Variants in EVL observed in about 807,000 individuals in gnomAD.
EVL encodes the protein ena/VASP-like protein.
A neutral mutation model predicts 59.6 loss-of-function variants in EVL; 21 were observed. That is an observed-to-expected ratio of 0.35 (90% CI 0.25 to 0.51). The LOEUF is 0.51. Ranked by LOEUF, EVL falls within the 20% of genes least tolerant of loss-of-function variation. The pLI, the probability that EVL is intolerant of heterozygous loss-of-function variation, is 0.97. For synonymous variants in EVL, 198 were observed against 203.5 expected, an observed-to-expected ratio of 0.97 and a Z score of 0.23; for missense variants, 462 against 546.6, an observed-to-expected ratio of 0.85 and a Z score of 1.54.
chr14:100,115,969 G>A lies in EVL; in HGVS notation c.359-7570G>A, dbSNP rs753795630. Among the ~76,000 whole-genome samples, 20 of 152,338 alleles carry A rather than the reference G, an allele frequency of 1.3e-4. No individual in the cohort carries two copies. The East Asian group carries it at 2.7e-3, about 21-fold the overall frequency. On this transcript the variant is annotated intron_variant, in intron 3 of 13. Coordinates refer to ENST00000392920, the MANE Select transcript of EVL (RefSeq NM_016337.3). Reference sequence around the variant, plus strand: ...TCAGTGCTGAGCATCAGTGCACTGGGGTGGACAGAGCCCTGGGCCGGGAGA... The same window carrying A: ...TCAGTGCTGAGCATCAGTGCACTGGAGTGGACAGAGCCCTGGGCCGGGAGA...
rs1261245485 is a variant in EVL at position 100,123,292 on chromosome 14, T to A, written c.359-247T>A. ...GGGTCAGTAACTGAAAGGGTTAATTTTTAACCATGTGAAAGTTTGGGTCTC... is the reference window on the plus strand; with the variant it reads ...GGGTCAGTAACTGAAAGGGTTAATTATTAACCATGTGAAAGTTTGGGTCTC... On this transcript the variant is annotated intron_variant, in intron 3 of 13. Coordinates refer to ENST00000392920, the MANE Select transcript of EVL (RefSeq NM_016337.3). 7.2e-5 allele frequency among the ~76,000 whole-genome samples: 11 copies of A among 152,306 alleles called. No individual in the cohort carries two copies. The East Asian group carries it at 1.9e-3, about 27-fold the overall frequency.
At chr14:100,103,066 C>A (rs572726645) in intron 3 of EVL, among the ~76,000 whole-genome samples, 12 of 146,754 alleles carry the variant, frequency 8.2e-5, no homozygotes, top group Non-Finnish European at 1.6e-4. Flanking sequence ...CGCCTCACTG[C>A]ACTCCAGCCT....
intron 1 of EVL, among the ~76,000 whole-genome samples, chr14:99,986,155 G>C (rs566061894): frequency 6.6e-6 from 1 of 151,838 alleles, no homozygotes; most frequent in African/African-American, 2.4e-5. Flanking sequence ...AGCCAGACGT[G>C]GTGGCATGTG....
rs548176646 is a variant in EVL at position 100,119,478 on chromosome 14, C to T, written c.359-4061C>T. 2.8e-3 allele frequency among the ~76,000 whole-genome samples: 428 copies of T among 152,252 alleles called. 3 individuals carry two copies. The highest frequency in any genetic ancestry group is 0.01 in the African/African-American group (424 of 41,552). ...ACTCATCCCGTATACTTCAGGGGGC[C>T]GTGGTGGAACCAGCTGGGCAGTGAG... is the stretch of plus-strand genomic sequence containing the variant. On this transcript the variant is annotated intron_variant, in intron 3 of 13. Transcript: ENST00000392920.
intron 11 of EVL, 152 bp downstream of exon 11, chr14:100,137,954 C>CG: frequency 1.4e-6 from 1 of 718,072 alleles, no homozygotes; most frequent in Non-Finnish European, 2.3e-6. Context: ...CCCAGGACCT[C>CG]GGGGTCCTGT....
At chr14:100,016,716 A>G (rs1418755575) in intron 1 of EVL, among the ~76,000 whole-genome samples, 2 of 152,152 alleles carry the variant, frequency 1.3e-5, no homozygotes, top group Non-Finnish European at 2.9e-5. Flanking sequence ...TGTTTCTGAC[A>G]CTTTGGTGTT....
intron 1 of EVL, among the ~76,000 whole-genome samples, chr14:100,070,399 C>T (rs1329446820): frequency 1.3e-5 from 2 of 152,204 alleles, no homozygotes. Context: ...CTAAACTTGT[C>T]CCAATTTGCA....
chr14:100,132,598 GT>G (rs1888504930), intron 7 of EVL, 120 bp from the exon 8 acceptor site: 2 of 1,153,702 alleles, frequency 1.7e-6, no homozygotes, highest in African/African-American at 1.5e-5. Flanking sequence ...TCACGCCATC[GT>G]TTTCCCACAC....
At chr14:100,101,869 C>T (rs1297917547) in intron 3 of EVL, among the ~76,000 whole-genome samples, 3 of 152,112 alleles carry the variant, frequency 2.0e-5, no homozygotes, top group East Asian at 1.9e-4. Flanking sequence ...GATGGAGTCT[C>T]GCTCTGTCAC....
intron 1 of EVL, among the ~76,000 whole-genome samples, chr14:99,989,008 G>A (rs2060858859): frequency 6.6e-6 from 1 of 152,144 alleles, no homozygotes; most frequent in African/African-American, 2.4e-5. Flanking sequence ...TTGGATTATG[G>A]TAATGGTTGT....
chr14:99,975,773 C>T (rs1025241541), intron 1 of EVL, among the ~76,000 whole-genome samples: 5 of 152,216 alleles, frequency 3.3e-5, no homozygotes, highest in Non-Finnish European at 5.9e-5. Flanking sequence ...GGCCTGGTTC[C>T]TGACAGGCCA....
At chr14:100,126,557 A>T in intron 4 of EVL, 150 bp from the exon 5 acceptor site, 1 of 737,126 alleles carries the variant, frequency 1.4e-6, no homozygotes, top group Non-Finnish European at 2.3e-6. Context: ...CTCCTCTGTT[A>T]AGTGGAGGCA....
At chr14:100,111,733 C>G (rs764057147) in intron 3 of EVL, among the ~76,000 whole-genome samples, 4 of 152,154 alleles carry the variant, frequency 2.6e-5, no homozygotes, top group African/African-American at 4.8e-5. Flanking sequence ...TCTTGGCTCC[C>G]TGAGATTGCA....
rs1889370820 is a variant in EVL at position 100,143,968 on chromosome 14, G to A, written c.*230G>A. The A allele has an allele frequency of 1.3e-5, 7 of 544,774 alleles. No individual in the cohort carries two copies. Among genetic ancestry groups the A allele is most frequent in the Admixed American group, 1.0e-4 (3 of 29,736 alleles). 33.7% of individuals were successfully genotyped at this position (544,774 alleles called of 1,614,324 possible). On this transcript the variant is annotated 3_prime_UTR_variant, in exon 14 of 14. Transcript: ENST00000392920. ...AACACCAGGTCTGCTCGTCTTTTTTGTGTTTTATATTTGCTTATTTAAGGT... is the reference window on the plus strand; with the variant it reads ...AACACCAGGTCTGCTCGTCTTTTTTATGTTTTATATTTGCTTATTTAAGGT...
chr14:100,005,845 GA>G (rs34697726), intron 1 of EVL, among the ~76,000 whole-genome samples: 1 of 151,652 alleles, frequency 6.6e-6, no homozygotes, highest in Non-Finnish European at 1.5e-5. Flanking sequence ...TGTCCCGGTG[GA>G]AAAAAAAGAA....
At chr14:100,038,737 G>A (rs1450563477) in intron 1 of EVL, among the ~76,000 whole-genome samples, 1 of 149,886 alleles carries the variant, frequency 6.7e-6, no homozygotes, top group Non-Finnish European at 1.5e-5. Flanking sequence ...GATGGTCTTA[G>A]GTACCACTTA....
In EVL at chr14:100,096,592, A is replaced by T. The variant is rs143234462; in HGVS notation, c.181-889A>T. 4.0e-4 allele frequency among the ~76,000 whole-genome samples: 61 copies of T among 152,376 alleles called. 1 individual carries two copies. The highest frequency in any genetic ancestry group is 6.8e-3 in the Middle Eastern group (2 of 294). ...TTCATAAGTGTCATGATGTTAGATC[A>T]TCTGACTCCAAGCTAGAAGGGATGG... On this transcript the variant is annotated intron_variant, in intron 2 of 13. Coordinates refer to ENST00000392920, the MANE Select transcript of EVL (RefSeq NM_016337.3).
In EVL at chr14:100,114,938, C is replaced by T. The variant is rs541104644; in HGVS notation, c.359-8601C>T. Among the ~76,000 whole-genome samples, 8 of 152,096 alleles carry T rather than the reference C, an allele frequency of 5.3e-5. No homozygotes were observed. The highest frequency in any genetic ancestry group is 3.9e-4 in the East Asian group (2 of 5,174). On this transcript the variant is annotated intron_variant, in intron 3 of 13. Coordinates refer to ENST00000392920, the MANE Select transcript of EVL (RefSeq NM_016337.3). The surrounding 1 kb of genome is among the most constrained non-coding windows in gnomAD (Gnocchi z 5.0). ...GCCTGAGCTTCTGTTCCAGCAGCAC[C>T]GTTCACTGGAGGCACATGACCTCGG...
intron 13 of EVL, 125 bp downstream of exon 13, chr14:100,141,918 A>G: frequency 1.5e-6 from 1 of 680,012 alleles, no homozygotes; most frequent in Non-Finnish European, 2.3e-6. Context: ...CCTGTGAGAG[A>G]TTTCATTCTT....
Sources: gnomAD v4.1 joint callset for allele counts (sites outside exome capture counted in the v4.1 genomes callset) on GRCh38, gnomAD v4.1.1 for gene constraint, Gnocchi (gnomAD v3.1) non-coding constraint, MANE v1.5 for transcripts, NCBI Gene and HGNC (gene_info 2026-07-23, HGNC 2026-07-21) for gene names.